CRADD: variants seen among roughly 807,000 people sequenced by gnomAD.
The protein encoded by CRADD is death domain-containing protein CRADD.
CRADD carries 9 observed loss-of-function variants against 15.5 expected under a neutral mutation model. The observed-to-expected ratio is 0.58, with a 90% CI of 0.35 to 1.01. The LOEUF (loss-of-function observed/expected upper bound fraction) is 1.01. Ranked by LOEUF, CRADD falls within the 50% of genes least tolerant of loss-of-function variation. CRADD has a pLI of 0.02. For missense variants in CRADD, 227 were observed against 250.3 expected, an observed-to-expected ratio of 0.91 and a Z score of 0.63; for synonymous variants, 118 against 107.6, an observed-to-expected ratio of 1.10 and a Z score of -0.60.
chr12:93,689,473 G>A (rs1955516431), intron 2 of CRADD, among the ~76,000 whole-genome samples: 1 of 152,168 alleles, frequency 6.6e-6, no homozygotes, highest in African/African-American at 2.4e-5. Context: ...AAAAAGGTAT[G>A]TTGTGTTTTT....
chr12:93,749,741 C>T (rs546358306), intron 2 of CRADD, among the ~76,000 whole-genome samples: 9 of 152,288 alleles, frequency 5.9e-5, no homozygotes, highest in Admixed American at 3.3e-4. Context: ...TCTCCCAACA[C>T]GCCCATCATT....
chr12:93,800,610 T>G (rs1957466948), intron 2 of CRADD, among the ~76,000 whole-genome samples: 1 of 152,186 alleles, frequency 6.6e-6, no homozygotes, highest in Non-Finnish European at 1.5e-5. Context: ...CTGGCCACTA[T>G]GGAAGATCTG....
chr12:93,784,166 G>A (rs1957246027), intron 2 of CRADD, among the ~76,000 whole-genome samples: 1 of 152,136 alleles, frequency 6.6e-6, no homozygotes. Context: ...TAATGGTTCT[G>A]ACGTTGTTTC....
At chr12:93,855,314 C>T (rs1161226852), downstream of CRADD, among the ~76,000 whole-genome samples, 1 of 152,170 alleles carries the variant, frequency 6.6e-6, no homozygotes, top group Non-Finnish European at 1.5e-5. Flanking sequence ...GGGGAGTTCT[C>T]CAGGTGTGGC....
intron 2 of CRADD, among the ~76,000 whole-genome samples, chr12:93,840,560 CT>C (rs59758072): frequency 2.5e-4 from 38 of 149,882 alleles, no homozygotes; most frequent in Non-Finnish European, 3.4e-4. Context: ...TAACTAATTT[CT>C]TTTTTTTTTT....
intron 2 of CRADD, among the ~76,000 whole-genome samples, chr12:93,709,682 A>G (rs1423784149): frequency 6.6e-6 from 1 of 152,118 alleles, no homozygotes; most frequent in African/African-American, 2.4e-5. Flanking sequence ...GTTTAAGTTG[A>G]TTCCATGTCT....
chr12:93,792,733 C>T (rs902317132), intron 2 of CRADD, among the ~76,000 whole-genome samples: 11 of 152,142 alleles, frequency 7.2e-5, no homozygotes, highest in East Asian at 1.9e-4. Context: ...CAATTACAGA[C>T]GAGGAAACTG....
At chr12:93,838,214 G>GTTTTTT (rs66564800) in intron 2 of CRADD, among the ~76,000 whole-genome samples, 6 of 130,602 alleles carry the variant, frequency 4.6e-5, no homozygotes, top group Admixed American at 7.9e-5. Context: ...TCCTTTTGAG[G>GTTTTTT]TTTTTTTTTT....
At chr12:93,697,713 G>A (rs780961428) in intron 2 of CRADD, among the ~76,000 whole-genome samples, 3 of 152,036 alleles carry the variant, frequency 2.0e-5, no homozygotes, top group Non-Finnish European at 4.4e-5. Flanking sequence ...TTCATTCTAG[G>A]TTCATGACTG....
intron 2 of CRADD, among the ~76,000 whole-genome samples, chr12:93,819,703 C>T (rs1957747541): frequency 6.6e-6 from 1 of 152,222 alleles, no homozygotes; most frequent in Admixed American, 6.5e-5. Flanking sequence ...TATAGAAGTA[C>T]TTGTTACTTG....
At chr12:93,850,874 GT>G, downstream of CRADD, 1 of 365,030 alleles carries the variant, frequency 2.7e-6, no homozygotes, top group Non-Finnish European at 3.8e-6. The surrounding 1 kb of genome is among the most constrained non-coding windows in gnomAD (Gnocchi z 4.0). Context: ...CAGTGAAATG[GT>G]TACTTTCCCA....
intron 2 of CRADD, among the ~76,000 whole-genome samples, chr12:93,775,033 A>G (rs544872374): frequency 6.6e-6 from 1 of 152,298 alleles, no homozygotes; most frequent in South Asian, 2.1e-4. Context: ...GTTGGTGCAA[A>G]TCACCTTGGC....
At chr12:93,698,236 G>A (rs923273018) in intron 2 of CRADD, among the ~76,000 whole-genome samples, 2 of 152,000 alleles carry the variant, frequency 1.3e-5, no homozygotes, top group East Asian at 1.9e-4. Flanking sequence ...TGGAAATTCC[G>A]TTTCAGAAGC....
At chr12:93,719,430 G>A (rs1276016681) in intron 2 of CRADD, among the ~76,000 whole-genome samples, 1 of 152,110 alleles carries the variant, frequency 6.6e-6, no homozygotes, top group Admixed American at 6.6e-5. Context: ...AATGTCTTTG[G>A]TGTTGGTATT....
intron 2 of CRADD, among the ~76,000 whole-genome samples, chr12:93,684,144 A>C (rs1955382523): frequency 6.6e-6 from 1 of 152,206 alleles, no homozygotes; most frequent in Non-Finnish European, 1.5e-5. Context: ...TCTCCAGATC[A>C]GTTGAGGGCA....
intron 2 of CRADD, among the ~76,000 whole-genome samples, chr12:93,791,388 C>T (rs1053881319): frequency 3.9e-5 from 6 of 151,952 alleles, no homozygotes. Flanking sequence ...ATGGGCAAAC[C>T]TGGCAGATGT....
chr12:93,728,713 A>G (rs1443807706), intron 2 of CRADD, among the ~76,000 whole-genome samples: 1 of 152,212 alleles, frequency 6.6e-6, no homozygotes, highest in Non-Finnish European at 1.5e-5. Flanking sequence ...AAGGCACTAC[A>G]AGAAAAAGTT....
intron 2 of CRADD, among the ~76,000 whole-genome samples, chr12:93,723,087 T>C (rs1376833273): frequency 1.3e-5 from 2 of 152,274 alleles, no homozygotes; most frequent in Non-Finnish European, 2.9e-5. Context: ...CTCCAAGCTG[T>C]TCCTATTCAT....
chr12:93,718,268 T>C (rs1330926656), intron 2 of CRADD, among the ~76,000 whole-genome samples: 1 of 152,216 alleles, frequency 6.6e-6, no homozygotes, highest in African/African-American at 2.4e-5. Flanking sequence ...ATAGCTGACA[T>C]TTTGACAGTG....
Sources: allele counts gnomAD v4.1 joint callset (sites outside exome capture counted in the v4.1 genomes callset), GRCh38; gene constraint gnomAD v4.1.1; non-coding constraint Gnocchi (gnomAD v3.1); transcripts MANE v1.5; gene names NCBI Gene and HGNC (gene_info 2026-07-23, HGNC 2026-07-21).